Variants in SUGCT observed in about 807,000 individuals in gnomAD.
The protein encoded by SUGCT is succinyl-CoA:glutarate CoA-transferase.
In SUGCT, 41 loss-of-function variants were observed where a neutral mutation model predicts 55.0. The ratio of observed to expected loss-of-function variants is 0.74; its 90% confidence interval spans 0.58 to 0.97. The LOEUF is 0.97. SUGCT is among the 50% of genes least tolerant of loss of function. The pLI is 0.00. For synonymous variants in SUGCT, 187 were observed against 200.4 expected (o/e 0.93, Z 0.56); for missense variants, 568 against 547.8 (o/e 1.04, Z -0.37).
intron 7 of SUGCT, among the ~76,000 whole-genome samples, chr7:40,252,101 G>T (rs1790463092): frequency 6.6e-6 from 1 of 151,918 alleles, no homozygotes; most frequent in Non-Finnish European, 1.5e-5. Flanking sequence ...TTAAAATTAT[G>T]GTTCTATAGA....
chr7:40,991,426 T>G, the SUGCT span, among the ~76,000 whole-genome samples: 1 of 152,180 alleles, frequency 6.6e-6, no homozygotes, highest in Non-Finnish European at 1.5e-5. Context: ...TTTTGAGAAT[T>G]ACCAAAATGT....
intron 12 of SUGCT, among the ~76,000 whole-genome samples, chr7:40,599,051 C>T (rs147998535): frequency 1.4e-3 from 211 of 152,304 alleles, no homozygotes; most frequent in Non-Finnish European, 2.4e-3. Flanking sequence ...CTCTCCACTT[C>T]CTTCTAAATG....
intron 1 of SUGCT, among the ~76,000 whole-genome samples, chr7:40,180,215 C>G: frequency 6.6e-6 from 1 of 151,920 alleles, no homozygotes. Flanking sequence ...CTTCCGCCTC[C>G]CGGGTTCAAA....
chr7:40,645,730 G>GATCC (rs921477486), intron 12 of SUGCT, among the ~76,000 whole-genome samples: 16 of 152,108 alleles, frequency 1.1e-4, no homozygotes, highest in Non-Finnish European at 1.9e-4. Context: ...AAACACCTGG[G>GATCC]ATCCAGTGGG....
chr7:40,680,651 T>A (rs1337686767), intron 12 of SUGCT, among the ~76,000 whole-genome samples: 1 of 152,210 alleles, frequency 6.6e-6, no homozygotes, highest in Non-Finnish European at 1.5e-5. Context: ...TCTCATATTT[T>A]ACATTGGTAC....
intron 9 of SUGCT, among the ~76,000 whole-genome samples, chr7:40,373,472 T>G (rs557847372): frequency 6.7e-4 from 99 of 147,188 alleles, no homozygotes; most frequent in Non-Finnish European, 1.1e-3. Flanking sequence ...AATTCCAAAT[T>G]AATAGTGCCC....
chr7:40,955,379 T>C, the SUGCT span, among the ~76,000 whole-genome samples: 2 of 152,200 alleles, frequency 1.3e-5, no homozygotes, highest in Non-Finnish European at 2.9e-5. Context: ...CTAGGTATTT[T>C]ACTCTCTTTG....
rs574798829 is a variant in SUGCT, at chr7:40,811,452, T to G, written c.1154-48864T>G. On this transcript the variant is annotated intron_variant, in intron 13 of 13. Transcript: ENST00000335693. ...AATGTATGATTTCTTTTAGCACTGT[T>G]TTATAGTTCTCCTTGTAGAGCTCTT... Among the ~76,000 whole-genome samples, 22 of 152,290 alleles carry G rather than the reference T, an allele frequency of 1.4e-4. No homozygotes were observed. In the East Asian group the frequency reaches 1.7e-3, roughly 12 times the overall value.
chr7:40,227,838 A>G (rs147244046), intron 6 of SUGCT, among the ~76,000 whole-genome samples: 157 of 151,050 alleles, frequency 1.0e-3, no homozygotes, highest in African/African-American at 3.7e-3. Flanking sequence ...AATAATCATA[A>G]TTCCTTTATT....
intron 9 of SUGCT, among the ~76,000 whole-genome samples, chr7:40,402,517 A>AT (rs1194069471): frequency 1.3e-5 from 2 of 152,132 alleles, no homozygotes; most frequent in Non-Finnish European, 2.9e-5. Flanking sequence ...TATTAGAAAA[A>AT]TAAATCCCCT....
intron 12 of SUGCT, among the ~76,000 whole-genome samples, chr7:40,677,203 A>G (rs1584258118): frequency 6.6e-6 from 1 of 152,190 alleles, no homozygotes; most frequent in Non-Finnish European, 1.5e-5. Flanking sequence ...CCTCACAGCC[A>G]GATGTCCTAT....
chr7:40,221,056 C>A (rs1451319596), intron 6 of SUGCT, among the ~76,000 whole-genome samples: 1 of 152,110 alleles, frequency 6.6e-6, no homozygotes, highest in East Asian at 1.9e-4. Context: ...TTGTCATGCA[C>A]TTAGCAAAAA....
At chr7:40,702,902 G>A (rs565068271) in intron 12 of SUGCT, among the ~76,000 whole-genome samples, 5 of 152,206 alleles carry the variant, frequency 3.3e-5, no homozygotes, top group East Asian at 3.9e-4. Context: ...CCCACAAAGC[G>A]TGCAAGAATA....
intron 12 of SUGCT, among the ~76,000 whole-genome samples, chr7:40,644,761 G>A (rs936304418): frequency 1.3e-5 from 2 of 152,072 alleles, no homozygotes; most frequent in Admixed American, 6.5e-5. Flanking sequence ...GTCATTCCTC[G>A]TCTCCTCATT....
intron 12 of SUGCT, among the ~76,000 whole-genome samples, chr7:40,667,799 T>G (rs1449275737): frequency 1.3e-5 from 2 of 152,108 alleles, no homozygotes; most frequent in Non-Finnish European, 2.9e-5. Flanking sequence ...TAATGTCACC[T>G]TTGTTGTTTC....
intron 12 of SUGCT, among the ~76,000 whole-genome samples, chr7:40,717,632 C>T (rs892234850): frequency 2.0e-5 from 3 of 152,166 alleles, no homozygotes; most frequent in East Asian, 3.9e-4. Flanking sequence ...ATTTATAAAA[C>T]TGAAATATTG....
At chr7:40,696,388 A>T (rs903402580) in intron 12 of SUGCT, among the ~76,000 whole-genome samples, 4 of 152,140 alleles carry the variant, frequency 2.6e-5, no homozygotes, top group African/African-American at 9.7e-5. Flanking sequence ...AACTCCAGTC[A>T]TCACTACCCA....
intron 9 of SUGCT, among the ~76,000 whole-genome samples, chr7:40,441,601 A>C (rs1788519014): frequency 6.6e-6 from 1 of 152,184 alleles, no homozygotes; most frequent in African/African-American, 2.4e-5. Context: ...GCAGTCCAGA[A>C]ATTCATGTAT....
chr7:40,843,931 C>A (rs951306246), intron 13 of SUGCT, among the ~76,000 whole-genome samples: 12 of 152,084 alleles, frequency 7.9e-5, no homozygotes, highest in African/African-American at 4.8e-5. Context: ...TTTCCCTTGA[C>A]CTCTTTGCAA....
Sources: allele counts gnomAD v4.1 joint callset (sites outside exome capture counted in the v4.1 genomes callset), GRCh38; gene constraint gnomAD v4.1.1; transcripts MANE v1.5; gene names NCBI Gene and HGNC (gene_info 2026-07-23, HGNC 2026-07-21).